Variants in TANC2 observed in about 807,000 individuals in gnomAD.
TANC2 encodes protein TANC2.
TANC2 carries 26 observed loss-of-function variants against 210.5 expected under a neutral mutation model. That is an observed-to-expected ratio of 0.12 (90% CI 0.09 to 0.17). TANC2 has a LOEUF of 0.17. Among genes scored for constraint, TANC2 ranks in the 10% least tolerant of loss-of-function variants. The pLI is 1.00. For synonymous variants in TANC2, 931 were observed against 967.1 expected, an observed-to-expected ratio of 0.96 and a Z score of 0.69; for missense variants, 2,129 against 2,608.9, an observed-to-expected ratio of 0.82 and a Z score of 4.01.
chr17:63,256,324 T>C (rs898183003), intron 8 of TANC2, among the ~76,000 whole-genome samples: 1 of 152,214 alleles, frequency 6.6e-6, no homozygotes, highest in African/African-American at 2.4e-5. Context: ...TTTCAAGAAA[T>C]CTGTTAATTT....
intron 5 of TANC2, among the ~76,000 whole-genome samples, chr17:63,160,662 G>T (rs1055406630): frequency 1.3e-5 from 2 of 152,082 alleles, no homozygotes; most frequent in South Asian, 4.1e-4. Context: ...TCCTTAGAAT[G>T]AATTCCTTGA....
intron 14 of TANC2, among the ~76,000 whole-genome samples, chr17:63,379,269 C>T (rs2047525985): frequency 1.3e-5 from 2 of 152,216 alleles, no homozygotes; most frequent in South Asian, 4.1e-4. Context: ...AGTACCCATT[C>T]TTTGCCCAGG....
chr17:63,337,652 C>T (rs1335888986), intron 11 of TANC2, among the ~76,000 whole-genome samples: 2 of 150,886 alleles, frequency 1.3e-5, no homozygotes, highest in Non-Finnish European at 2.9e-5. Flanking sequence ...CAGAGGCACA[C>T]GTGCACATTT....
At chr17:63,189,045 G>A (rs2041097815) in intron 5 of TANC2, among the ~76,000 whole-genome samples, 1 of 151,980 alleles carries the variant, frequency 6.6e-6, no homozygotes, top group African/African-American at 2.4e-5. Context: ...GTAGTCTTTT[G>A]TGTCTGATTT....
intron 5 of TANC2, among the ~76,000 whole-genome samples, chr17:63,193,435 G>A (rs2041248387): frequency 2.0e-5 from 3 of 152,128 alleles, no homozygotes; most frequent in African/African-American, 7.2e-5. Flanking sequence ...TAATAACAAT[G>A]CAGATCTTAC....
At chr17:63,360,602 C>G (rs2046928841) in intron 14 of TANC2, among the ~76,000 whole-genome samples, 1 of 151,844 alleles carries the variant, frequency 6.6e-6, no homozygotes, top group Non-Finnish European at 1.5e-5. Context: ...GTAAAATATC[C>G]ATCACCTCAA....
intron 8 of TANC2, among the ~76,000 whole-genome samples, chr17:63,246,533 A>G (rs1028689074): frequency 6.6e-6 from 1 of 151,994 alleles, no homozygotes; most frequent in African/African-American, 2.4e-5. Flanking sequence ...ATATATTTGT[A>G]TTTTCTGGAA....
chr17:63,131,521 C>A (rs1454652028), intron 4 of TANC2, among the ~76,000 whole-genome samples: 1 of 139,516 alleles, frequency 7.2e-6, no homozygotes, highest in Non-Finnish European at 1.5e-5. Context: ...CTGTTTAAAA[C>A]AATTACTTTG....
chr17:63,019,898 T>C (rs1308591492), intron 2 of TANC2, among the ~76,000 whole-genome samples: 3 of 152,116 alleles, frequency 2.0e-5, no homozygotes, highest in African/African-American at 2.4e-5. Flanking sequence ...GAAAATATAT[T>C]CTCCCAGTCT....
intron 11 of TANC2, among the ~76,000 whole-genome samples, chr17:63,329,717 A>G (rs1390236921): frequency 6.6e-6 from 1 of 152,172 alleles, no homozygotes; most frequent in African/African-American, 2.4e-5. Flanking sequence ...AATTTAATAA[A>G]TGTTTTATGT....
chr17:63,146,213 ATT>A (rs1216606260), intron 4 of TANC2, among the ~76,000 whole-genome samples: 3 of 151,932 alleles, frequency 2.0e-5, no homozygotes, highest in African/African-American at 7.3e-5. Flanking sequence ...CAGATTGTTC[ATT>A]GTTAGTGTAT....
At chr17:63,354,931 T>G in exon 14 of TANC2, 1 of 1,613,828 alleles carries the variant, frequency 6.2e-7, no homozygotes, top group Non-Finnish European at 8.5e-7. Context: ...AATGGCAAAA[T>G]GGACAATACT....
chr17:63,087,855 C>T (rs1248120598), intron 3 of TANC2, among the ~76,000 whole-genome samples: 2 of 152,316 alleles, frequency 1.3e-5, no homozygotes, highest in East Asian at 1.9e-4. Flanking sequence ...AGTCACCTGT[C>T]TCTCTCCAAC....
intron 4 of TANC2, among the ~76,000 whole-genome samples, chr17:63,112,123 G>C (rs2038073948): frequency 6.6e-6 from 1 of 152,118 alleles, no homozygotes; most frequent in African/African-American, 2.4e-5. Context: ...TTAAAGAAAT[G>C]TTTGCCTAAA....
At chr17:63,073,307 A>G (rs1275872235) in intron 2 of TANC2, among the ~76,000 whole-genome samples, 1 of 152,108 alleles carries the variant, frequency 6.6e-6, no homozygotes, top group African/African-American at 2.4e-5. Context: ...TATTTACAAT[A>G]AAGTAAAATT....
chr17:63,403,502 A>C (rs2048405590), intron 19 of TANC2, among the ~76,000 whole-genome samples: 2 of 152,172 alleles, frequency 1.3e-5, no homozygotes, highest in African/African-American at 4.8e-5. Flanking sequence ...AGAAATATGA[A>C]CTTGAGAAAG....
At chr17:63,328,663 T>G (rs935958953) in intron 11 of TANC2, among the ~76,000 whole-genome samples, 1 of 151,260 alleles carries the variant, frequency 6.6e-6, no homozygotes, top group African/African-American at 2.4e-5. Flanking sequence ...GAGAAGTTGT[T>G]GATCACAGGT....
intron 9 of TANC2, among the ~76,000 whole-genome samples, chr17:63,311,478 G>C (rs183675482): frequency 1.3e-5 from 2 of 152,124 alleles, no homozygotes; most frequent in Non-Finnish European, 2.9e-5. Flanking sequence ...TCTAGCTAAT[G>C]GAAACACAGT....
At chr17:63,037,841 AT>A (rs570019597) in intron 2 of TANC2, among the ~76,000 whole-genome samples, 134 of 149,958 alleles carry the variant, frequency 8.9e-4, no homozygotes, top group African/African-American at 2.9e-3. Flanking sequence ...TAAGTATATG[AT>A]TTTTTTTTTA....
Sources: gnomAD v4.1 joint callset for allele counts (sites outside exome capture counted in the v4.1 genomes callset) on GRCh38, gnomAD v4.1.1 for gene constraint, MANE v1.5 for transcripts, NCBI Gene and HGNC (gene_info 2026-07-23, HGNC 2026-07-21) for gene names.